The following DPYD variants were observed in gnomAD, a reference collection of about 807,000 sequenced individuals.
The protein encoded by DPYD is dihydropyrimidine dehydrogenase, also known as dihydropyrimidine dehydrogenase [NADP(+)].
Under a neutral mutation model 116.2 loss-of-function variants are expected in DPYD, and 109 were observed. The observed-to-expected ratio is 0.94, with a 90% CI of 0.80 to 1.10. The LOEUF is 1.10. Among genes scored for constraint, DPYD ranks in the 50% least tolerant of loss-of-function variants. The probability of loss-of-function intolerance (pLI) is 0.00; values close to 1 mark genes in which losing one functional copy is unlikely to be tolerated. For synonymous variants in DPYD, 440 were observed against 432.0 expected, an observed-to-expected ratio of 1.02 and a Z score of -0.23; for missense variants, 1,302 against 1,254.5, an observed-to-expected ratio of 1.04 and a Z score of -0.57.
intron 18 of DPYD, among the ~76,000 whole-genome samples, chr1:97,289,951 C>A (rs1406391611): frequency 6.6e-6 from 1 of 151,992 alleles, no homozygotes; most frequent in African/African-American, 2.4e-5. Flanking sequence ...ATTGTCTCAG[C>A]CCAAAATCTC....
chr1:97,440,874 G>A (rs1047473285), intron 14 of DPYD, among the ~76,000 whole-genome samples: 6 of 152,076 alleles, frequency 3.9e-5, no homozygotes, highest in Non-Finnish European at 8.8e-5. Context: ...TTAACATTAC[G>A]CAGTGTAGAC....
intron 1 of DPYD, among the ~76,000 whole-genome samples, chr1:97,920,020 C>T (rs1674425834): frequency 6.6e-6 from 1 of 152,114 alleles, no homozygotes; most frequent in Admixed American, 6.5e-5. Flanking sequence ...ACATAATTTT[C>T]TACCAGAGTA....
chr1:97,580,350 CA>C (rs1443532540), intron 10 of DPYD, among the ~76,000 whole-genome samples: 1 of 152,102 alleles, frequency 6.6e-6, no homozygotes, highest in African/African-American at 2.4e-5. Flanking sequence ...CCACTTTGGC[CA>C]GTGATAAACC....
At chr1:97,428,081 C>A (rs149926012) in intron 14 of DPYD, among the ~76,000 whole-genome samples, 1 of 152,044 alleles carries the variant, frequency 6.6e-6, no homozygotes, top group Non-Finnish European at 1.5e-5. Context: ...TTATACATTA[C>A]GAAAGTGATT....
intron 3 of DPYD, among the ~76,000 whole-genome samples, chr1:97,761,743 C>T (rs192243539): frequency 6.6e-5 from 10 of 151,870 alleles, no homozygotes; most frequent in South Asian, 2.1e-4. Flanking sequence ...ATAGCAGAGA[C>T]GTTTAATCAG....
intron 20 of DPYD, among the ~76,000 whole-genome samples, chr1:97,100,857 A>G (rs1045590858): frequency 1.3e-5 from 2 of 152,050 alleles, no homozygotes; most frequent in African/African-American, 4.8e-5. Context: ...TAAATATCCA[A>G]CAGCCTGATA....
intron 19 of DPYD, among the ~76,000 whole-genome samples, chr1:97,227,838 T>A (rs1206977626): frequency 1.3e-5 from 2 of 152,006 alleles, no homozygotes; most frequent in East Asian, 1.9e-4. Context: ...ATTATACATA[T>A]GAAAATAAAT....
intron 22 of DPYD, among the ~76,000 whole-genome samples, chr1:97,079,518 T>G (rs1649008962): frequency 6.6e-6 from 1 of 152,100 alleles, no homozygotes; most frequent in Non-Finnish European, 1.5e-5. Flanking sequence ...TCACACGTCC[T>G]CCTTTTCCTC....
chr1:97,854,799 C>A (rs965919667), intron 2 of DPYD, among the ~76,000 whole-genome samples: 1 of 152,126 alleles, frequency 6.6e-6, no homozygotes, highest in Admixed American at 6.5e-5. Context: ...GGTACAGGGT[C>A]AGGAGATTCT....
intron 2 of DPYD, among the ~76,000 whole-genome samples, chr1:97,852,489 T>C (rs1476809938): frequency 6.6e-6 from 1 of 152,138 alleles, no homozygotes; most frequent in Non-Finnish European, 1.5e-5. Context: ...GAATAAAACA[T>C]AATAACATGG....
chr1:97,281,143 A>G (rs1665296378), intron 18 of DPYD, among the ~76,000 whole-genome samples: 1 of 152,182 alleles, frequency 6.6e-6, no homozygotes, highest in African/African-American at 2.4e-5. Flanking sequence ...CCAAAAGAGA[A>G]AGCAAAATTC....
intron 14 of DPYD, among the ~76,000 whole-genome samples, chr1:97,425,164 A>G (rs1349450994): frequency 6.6e-6 from 1 of 152,012 alleles, no homozygotes; most frequent in Non-Finnish European, 1.5e-5. Context: ...CATCAATACT[A>G]TTTTTTAAGC....
intron 14 of DPYD, among the ~76,000 whole-genome samples, chr1:97,399,523 A>G (rs566807835): frequency 2.4e-4 from 36 of 152,276 alleles, no homozygotes; most frequent in Admixed American, 1.7e-3. Context: ...CATTGAATCT[A>G]TAAATTACCT....
At chr1:97,874,583 A>T (rs17379561) in intron 2 of DPYD, among the ~76,000 whole-genome samples, 15,984 of 151,952 alleles carry the variant, frequency 0.11, 1,127 homozygotes, top group Non-Finnish European at 0.14. Flanking sequence ...TGATTCAGAC[A>T]CTCAGAGGAA....
chr1:97,122,461 A>C (rs983378755), intron 20 of DPYD, among the ~76,000 whole-genome samples: 3 of 152,190 alleles, frequency 2.0e-5, no homozygotes, highest in Non-Finnish European at 4.4e-5. Context: ...GTAAAGCAGT[A>C]AATGTAGAAT....
chr1:97,720,315 T>A, intron 5 of DPYD: 3 of 985,468 alleles, frequency 3.0e-6, no homozygotes, highest in Non-Finnish European at 2.4e-6. Context: ...TGTGAAAGCT[T>A]GCCCTGGTTT....
intron 3 of DPYD, among the ~76,000 whole-genome samples, chr1:97,749,277 T>C (rs971262313): frequency 2.0e-5 from 3 of 152,198 alleles, no homozygotes; most frequent in Admixed American, 2.0e-4. Flanking sequence ...TGGAAGGAAT[T>C]AGTGAAGAGT....
intron 13 of DPYD, among the ~76,000 whole-genome samples, chr1:97,499,643 G>A (rs1358620648): frequency 6.6e-6 from 1 of 151,726 alleles, no homozygotes; most frequent in Non-Finnish European, 1.5e-5. Flanking sequence ...CAAAAGAGGT[G>A]ACCCTCAACA....
At chr1:97,350,125 G>A (rs892586725) in intron 16 of DPYD, among the ~76,000 whole-genome samples, 2 of 152,098 alleles carry the variant, frequency 1.3e-5, no homozygotes, top group African/African-American at 4.8e-5. Flanking sequence ...GATAGAGGTA[G>A]GAGTGACAAA....
Sources: gnomAD v4.1 joint callset for allele counts (sites outside exome capture counted in the v4.1 genomes callset) on GRCh38, gnomAD v4.1.1 for gene constraint, MANE v1.5 for transcripts, NCBI Gene and HGNC (gene_info 2026-07-23, HGNC 2026-07-21) for gene names.